The following RAD51AP1 variants were observed in gnomAD, a reference collection of about 807,000 sequenced individuals.
The protein encoded by RAD51AP1 is RAD51 associated protein 1, also known as RAD51-associated protein 1.
A neutral mutation model predicts 34.3 loss-of-function variants in RAD51AP1; 14 were observed. The ratio of observed to expected loss-of-function variants is 0.41; its 90% CI spans 0.27 to 0.64. The LOEUF is 0.64. RAD51AP1 is among the 30% of genes least tolerant of loss of function. The probability of loss-of-function intolerance (pLI) is 0.33; values close to 1 mark genes in which losing one functional copy is unlikely to be tolerated. For missense variants in RAD51AP1, 348 were observed against 386.9 expected (o/e 0.90, Z 0.84); for synonymous variants, 114 against 129.8 (o/e 0.88, Z 0.83).
intron 6 of RAD51AP1, among the ~76,000 whole-genome samples, chr12:4,549,810 A>C (rs1304235389): frequency 6.6e-6 from 1 of 152,240 alleles, no homozygotes; most frequent in Non-Finnish European, 1.5e-5. Context: ...AGCACCTCAG[A>C]TAAGGGATAC....
Position 4,559,732 on chromosome 12 carries a change from CTT to C in RAD51AP1, c.*740_*741del, listed in dbSNP as rs1285279652. 3.3e-5 allele frequency: 5 copies of C among 152,160 alleles called. No individual in the cohort carries two copies. The highest frequency in any genetic ancestry group is 1.2e-4 in the African/African-American group (5 of 41,456). The allele number at this position is 152,160 out of a possible 1,614,324, so 9.4% of individuals were successfully genotyped here. On this transcript the variant is annotated 3_prime_UTR_variant, in exon 9 of 9. Transcript: ENST00000352618. ...TTAGCCTTTCTGTTGTAAATGTAAT[CTT>C]CAAGTAGTCACTTTTTGTTAAGTTC...
intron 2 of RAD51AP1, among the ~76,000 whole-genome samples, chr12:4,542,150 C>A (rs1258409781): frequency 6.6e-6 from 1 of 152,168 alleles, no homozygotes; most frequent in Non-Finnish European, 1.5e-5. Flanking sequence ...GGTGAAAAGT[C>A]TCTTTAGATC....
At chr12:4,544,581 T>C (rs1340560110) in intron 3 of RAD51AP1, among the ~76,000 whole-genome samples, 2 of 152,234 alleles carry the variant, frequency 1.3e-5, no homozygotes, top group Non-Finnish European at 2.9e-5. Flanking sequence ...ATGCTCTTTT[T>C]TGCTTTTCTT....
intron 1 of RAD51AP1, 54 bp downstream of exon 1, chr12:4,539,010 A>T: frequency 2.5e-6 from 4 of 1,587,164 alleles, no homozygotes; most frequent in Non-Finnish European, 3.5e-6. Flanking sequence ...GGGAAAAGAC[A>T]TGAGACTAAG....
rs751560975 is a variant in RAD51AP1, at chr12:4,538,922, C to G, written c.-18C>G. 6.2e-7 allele frequency: 1 copy of G among 1,613,908 alleles called. No individual in the cohort carries two copies. Among genetic ancestry groups the G allele is most frequent in the East Asian group, 2.2e-5 (1 of 44,878 alleles). ...ACAAGAATTTGAGAACTGTAAATAC[C>G]AAGCCTTGAAAGGGACCATGGTGCG... On this transcript the variant is annotated 5_prime_UTR_variant, in exon 1 of 9. Transcript: ENST00000352618.
At chr12:4,555,970 C>T (rs1383673861) in intron 7 of RAD51AP1, among the ~76,000 whole-genome samples, 4 of 152,178 alleles carry the variant, frequency 2.6e-5, no homozygotes, top group Non-Finnish European at 5.9e-5. Context: ...GACACATACT[C>T]ACGAGACACT....
At chr12:4,549,616 G>A (rs749629195) in intron 6 of RAD51AP1, among the ~76,000 whole-genome samples, 1 of 152,096 alleles carries the variant, frequency 6.6e-6, no homozygotes, top group Non-Finnish European at 1.5e-5. Flanking sequence ...TTTTGCATTT[G>A]TTTTACTTTG....
chr12:4,556,630 TG>T (rs1944585320), intron 8 of RAD51AP1, 128 bp downstream of exon 8: 1 of 1,051,542 alleles, frequency 9.5e-7, no homozygotes, highest in African/African-American at 1.6e-5. Flanking sequence ...CCAAAGTTCC[TG>T]GTTGCTGCAT....
At chr12:4,556,295 C>A (rs1307865819) in intron 7 of RAD51AP1, 58 bp from the exon 8 acceptor site, 2 of 1,293,950 alleles carry the variant, frequency 1.5e-6, no homozygotes, top group African/African-American at 1.5e-5. Flanking sequence ...CACATATATG[C>A]TAGACTTACT....
chr12:4,545,252 A>G (rs1266434908), intron 3 of RAD51AP1: 6 of 450,314 alleles, frequency 1.3e-5, no homozygotes, highest in South Asian at 9.5e-5. Flanking sequence ...TAACTGATAT[A>G]TACTGCAATA....
intron 4 of RAD51AP1, among the ~76,000 whole-genome samples, chr12:4,547,854 C>A (rs796957725): frequency 6.6e-6 from 1 of 152,182 alleles, no homozygotes. Flanking sequence ...TTAGGATAAG[C>A]AACTTGCCCA....
At chr12:4,554,031 GT>G (rs1317095206) in intron 7 of RAD51AP1, among the ~76,000 whole-genome samples, 1 of 149,524 alleles carries the variant, frequency 6.7e-6, no homozygotes. Context: ...AATTAATGAG[GT>G]TTTTTAATTA....
At position 4,548,702 on chromosome 12, in the gene RAD51AP1, C is replaced by A; in HGVS notation, c.422C>A (p.Thr141Asn). 1.2e-6 allele frequency: 2 copies of A among 1,613,468 alleles called. No homozygotes were observed. Among genetic ancestry groups the A allele is most frequent in the Non-Finnish European group, 8.5e-7 (1 of 1,179,742 alleles). ...ASDYLDLDKI[T>N]VEDDVGGVQG... ...TCTCCTGAAGATTTGGATAAGATTA[C>A]TGTGGAAGATGATGTTGGTGGTGTT... is the stretch of plus-strand genomic sequence containing the variant. The change falls in exon 6 of 9, where the codon ACT (threonine) becomes AAT (asparagine). Residue 141 changes from threonine (T) to asparagine (N), a missense_variant. Coordinates refer to ENST00000352618, the MANE Select transcript of RAD51AP1 (RefSeq NM_006479.5).
intron 7 of RAD51AP1, among the ~76,000 whole-genome samples, chr12:4,555,790 T>G (rs1203652546): frequency 6.6e-6 from 1 of 152,202 alleles, no homozygotes; most frequent in Non-Finnish European, 1.5e-5. Context: ...CAGATTGCAG[T>G]TTCCTTTTCT....
chr12:4,545,651 C>T, intron 3 of RAD51AP1: 1 of 806,094 alleles, frequency 1.2e-6, no homozygotes, highest in Non-Finnish European at 1.9e-6. Flanking sequence ...TTTTCCTTAT[C>T]TGTCTTTGAC....
chr12:4,553,136 G>A lies in RAD51AP1; in HGVS notation c.710G>A (p.Cys237Tyr), dbSNP rs1944558407. 7.6e-6 allele frequency: 12 copies of A among 1,578,980 alleles called. No homozygotes were observed. The highest frequency in any genetic ancestry group is 1.4e-5 in the African/African-American group (1 of 72,518). Reference sequence around the variant, plus strand: ...AAAGAGAAGAAATCTAAATCCAAATGTAATGCTTTGGGTAAGCTTGGTCCA... The same window carrying A: ...AAAGAGAAGAAATCTAAATCCAAATATAATGCTTTGGGTAAGCTTGGTCCA... ...EKKEKKSKSK[C>Y]NALVTSVDSA... is the part of the protein sequence containing the mutation. Residue 237 changes from cysteine (C) to tyrosine (Y), a missense_variant, in exon 7 of 9, where the codon TGT becomes TAT. Cys to Tyr is a radical substitution (Grantham distance 194, BLOSUM62 -2). Coordinates refer to ENST00000352618, the MANE Select transcript of RAD51AP1 (RefSeq NM_006479.5).
intron 8 of RAD51AP1, 133 bp from the exon 9 acceptor site, chr12:4,558,724 T>G: frequency 9.7e-7 from 1 of 1,027,088 alleles, no homozygotes; most frequent in Non-Finnish European, 1.4e-6. Flanking sequence ...TCTTTTGATC[T>G]AGTTTATTGC....
chr12:4,553,165 C>A lies in RAD51AP1; in HGVS notation c.721+18C>A, dbSNP rs1944558504. On this transcript the variant is annotated intron_variant, in intron 7 of 8. Coordinates refer to ENST00000352618, the MANE Select transcript of RAD51AP1 (RefSeq NM_006479.5). Reference sequence around the variant, plus strand: ...TGCTTTGGGTAAGCTTGGTCCAAAACACTTAATTTTATAAAGGAAATGTAT... The same window carrying A: ...TGCTTTGGGTAAGCTTGGTCCAAAAAACTTAATTTTATAAAGGAAATGTAT... 6.7e-7 allele frequency: 1 copy of A among 1,490,528 alleles called. No homozygotes were observed. Among genetic ancestry groups the A allele is most frequent in the Admixed American group, 2.5e-5 (1 of 40,684 alleles). 92.3% of individuals were successfully genotyped at this position (1,490,528 alleles called of 1,614,324 possible).
chr12:4,541,441 T>C (rs1944466018), intron 1 of RAD51AP1, among the ~76,000 whole-genome samples: 1 of 152,146 alleles, frequency 6.6e-6, no homozygotes, highest in African/African-American at 2.4e-5. Flanking sequence ...GTAAGGAAGA[T>C]AGAATGCACA....
Sources: gnomAD v4.1 joint callset for allele counts (sites outside exome capture counted in the v4.1 genomes callset) on GRCh38, gnomAD v4.1.1 for gene constraint, MANE v1.5 for transcripts, NCBI Gene and HGNC (gene_info 2026-07-23, HGNC 2026-07-21) for gene names.